Variants in FRMD4B observed in about 807,000 individuals in gnomAD.
FRMD4B encodes the protein FERM domain-containing protein 4B.
A neutral mutation model predicts 141.5 loss-of-function variants in FRMD4B; 74 were observed. The observed-to-expected ratio is 0.52, with a 90% confidence interval of 0.43 to 0.63. FRMD4B has a LOEUF of 0.63. FRMD4B is among the 30% of genes least tolerant of loss of function. The pLI, the probability that FRMD4B is intolerant of heterozygous loss-of-function variation, is 0.00. For synonymous variants in FRMD4B, 506 were observed against 467.9 expected, an observed-to-expected ratio of 1.08 and a Z score of -1.05; for missense variants, 1,366 against 1,253.4, an observed-to-expected ratio of 1.09 and a Z score of -1.36.
intron 7 of FRMD4B, among the ~76,000 whole-genome samples, chr3:69,242,607 T>C (rs1422435409): frequency 6.9e-6 from 1 of 144,454 alleles, no homozygotes; most frequent in East Asian, 2.1e-4. Flanking sequence ...AGCACTGAAT[T>C]GCAAAATGTA....
At chr3:69,381,714 T>C (rs978598871) in intron 1 of FRMD4B, among the ~76,000 whole-genome samples, 6 of 152,166 alleles carry the variant, frequency 3.9e-5, no homozygotes, top group Admixed American at 2.6e-4. Flanking sequence ...TGTGGCAAAA[T>C]ACATACAAAG....
At chr3:69,389,271 T>C (rs1346387576), upstream of FRMD4B, among the ~76,000 whole-genome samples, 1 of 152,130 alleles carries the variant, frequency 6.6e-6, no homozygotes, top group East Asian at 1.9e-4. Flanking sequence ...GAACTCGTGA[T>C]CCTCCCCCCT....
chr3:69,521,386 T>C (rs1315216276), intron 1 of FRMD4B, among the ~76,000 whole-genome samples: 1 of 152,192 alleles, frequency 6.6e-6, no homozygotes, highest in Non-Finnish European at 1.5e-5. Context: ...CTTTCTTAAT[T>C]GATTTCTCCC....
intron 2 of FRMD4B, among the ~76,000 whole-genome samples, chr3:69,415,351 G>A (rs1273893177): frequency 6.6e-6 from 1 of 152,140 alleles, no homozygotes; most frequent in African/African-American, 2.4e-5. Flanking sequence ...TATGGATTGG[G>A]GAGCAGATCC....
chr3:69,454,876 A>G (rs1705564951), intron 1 of FRMD4B, among the ~76,000 whole-genome samples: 2 of 152,340 alleles, frequency 1.3e-5, no homozygotes, highest in Admixed American at 6.5e-5. Context: ...CCACTAGGGA[A>G]GTCAGCTGGA....
At chr3:69,425,458 G>A (rs1308192490) in intron 2 of FRMD4B, among the ~76,000 whole-genome samples, 1 of 152,146 alleles carries the variant, frequency 6.6e-6, no homozygotes, top group African/African-American at 2.4e-5. Context: ...ACTGCCCATG[G>A]GGGAAAGTTC....
At position 69,179,524 on chromosome 3, in the gene FRMD4B, G is replaced by C. The variant is rs76363321; in HGVS notation, c.2851+1375C>G. Among the ~76,000 whole-genome samples the C allele has an allele frequency of 3.5e-3, 530 of 152,314 alleles. 15 individuals are homozygous for C. In the East Asian group the frequency reaches 0.074, roughly 21 times the overall value. ...GTTAGATGTGGTAATAGATGGGACAGCCCTAGTGGAAGTCCAAAGTCCTGC... is the reference window on the plus strand; with the variant it reads ...GTTAGATGTGGTAATAGATGGGACACCCCTAGTGGAAGTCCAAAGTCCTGC... On this transcript the variant is annotated intron_variant, in intron 21 of 22. Transcript: ENST00000398540.
At chr3:69,524,319 G>C (rs1199066274) in intron 1 of FRMD4B, among the ~76,000 whole-genome samples, 2 of 152,194 alleles carry the variant, frequency 1.3e-5, no homozygotes, top group Non-Finnish European at 2.9e-5. Flanking sequence ...TCTCAGAAGA[G>C]GTTTAGATTT....
intron 1 of FRMD4B, among the ~76,000 whole-genome samples, chr3:69,487,201 C>T (rs911988191): frequency 2.0e-5 from 3 of 152,138 alleles, no homozygotes; most frequent in African/African-American, 7.2e-5. Context: ...CTCATAGAAC[C>T]TCTTTAAATG....
At chr3:69,457,533 G>C (rs1482780040) in intron 1 of FRMD4B, among the ~76,000 whole-genome samples, 1 of 152,196 alleles carries the variant, frequency 6.6e-6, no homozygotes, top group African/African-American at 2.4e-5. Flanking sequence ...TGGGCACACT[G>C]CTTGTCATTA....
intron 5 of FRMD4B, among the ~76,000 whole-genome samples, chr3:69,280,281 A>C (rs1258706206): frequency 6.6e-6 from 1 of 152,170 alleles, no homozygotes; most frequent in Non-Finnish European, 1.5e-5. Flanking sequence ...TGAGGAAGCC[A>C]AACAGGTTCA....
intron 1 of FRMD4B, among the ~76,000 whole-genome samples, chr3:69,374,189 T>C (rs1703907173): frequency 6.6e-6 from 1 of 152,242 alleles, no homozygotes; most frequent in African/African-American, 2.4e-5. Context: ...TCCATCAATG[T>C]TATCTTTAAC....
intron 1 of FRMD4B, among the ~76,000 whole-genome samples, chr3:69,530,209 G>A (rs1041654658): frequency 1.3e-5 from 2 of 152,216 alleles, no homozygotes; most frequent in Non-Finnish European, 2.9e-5. Context: ...CTTTGATAAG[G>A]GTTGTTTGTC....
At chr3:69,232,689 G>C (rs1389683801) in intron 7 of FRMD4B, among the ~76,000 whole-genome samples, 1 of 152,160 alleles carries the variant, frequency 6.6e-6, no homozygotes, top group Non-Finnish European at 1.5e-5. Flanking sequence ...GCACCTGCTT[G>C]TGGCTAATTG....
rs374414189 is a variant in FRMD4B at position 69,283,004 on chromosome 3, C to T, written c.501+4748G>A. ...CTACAAATAAAATTTAAAAAATTATCTCAATAACAGTCATAGTGCCTTACA... is the reference window on the plus strand; with the variant it reads ...CTACAAATAAAATTTAAAAAATTATTTCAATAACAGTCATAGTGCCTTACA... On this transcript the variant is annotated intron_variant, in intron 5 of 22. Transcript: ENST00000398540. Among the ~76,000 whole-genome samples the T allele has an allele frequency of 1.7e-3, 260 of 152,192 alleles. 8 individuals are homozygous for T. In the South Asian group the frequency reaches 0.052, roughly 30 times the overall value.
chr3:69,449,414 G>C (rs555661349), intron 1 of FRMD4B, among the ~76,000 whole-genome samples: 2 of 152,342 alleles, frequency 1.3e-5, no homozygotes, highest in African/African-American at 2.4e-5. Context: ...TAAGCTACAA[G>C]TATTTTGTGC....
intron 11 of FRMD4B, among the ~76,000 whole-genome samples, chr3:69,205,987 C>CAT (rs2093021114): frequency 6.6e-6 from 1 of 152,180 alleles, no homozygotes; most frequent in South Asian, 2.1e-4. Context: ...ACTAAAATCT[C>CAT]ATAAAAGTAC....
chr3:69,522,041 T>C (rs768103251), intron 1 of FRMD4B, among the ~76,000 whole-genome samples: 5 of 152,206 alleles, frequency 3.3e-5, no homozygotes, highest in Non-Finnish European at 7.3e-5. Flanking sequence ...TTATGGGTGC[T>C]TTAACTACTT....
At chr3:69,463,491 T>C (rs1705734844) in intron 1 of FRMD4B, among the ~76,000 whole-genome samples, 1 of 152,248 alleles carries the variant, frequency 6.6e-6, no homozygotes, top group African/African-American at 2.4e-5. Context: ...TAATGAGTGA[T>C]ATTCAAAGCA....
Sources: gnomAD v4.1 joint callset for allele counts (sites outside exome capture counted in the v4.1 genomes callset) on GRCh38, gnomAD v4.1.1 for gene constraint, MANE v1.5 for transcripts, NCBI Gene and HGNC (gene_info 2026-07-23, HGNC 2026-07-21) for gene names.